GALNT13: variants seen among roughly 807,000 people sequenced by gnomAD.
GALNT13 encodes polypeptide N-acetylgalactosaminyltransferase 13.
Under a neutral mutation model 64.2 loss-of-function variants are expected in GALNT13, and 28 were observed. That is an observed-to-expected ratio of 0.44 (90% CI 0.32 to 0.60). The LOEUF (loss-of-function observed/expected upper bound fraction) is 0.60, where lower values mean the gene tolerates loss of function less well. GALNT13 is among the 20% of genes least tolerant of loss of function. GALNT13 has a pLI of 0.05. For missense variants in GALNT13, 577 were observed against 669.8 expected (o/e 0.86, Z 1.53); for synonymous variants, 214 against 224.6 (o/e 0.95, Z 0.42).
At chr2:154,088,514 C>T (rs1334984716) in intron 3 of GALNT13, among the ~76,000 whole-genome samples, 4 of 152,152 alleles carry the variant, frequency 2.6e-5, no homozygotes, top group Non-Finnish European at 5.9e-5. Flanking sequence ...TGCAATGGCA[C>T]GATCTTGGCT....
the GALNT13 span, among the ~76,000 whole-genome samples, chr2:153,563,564 G>A: frequency 2.6e-5 from 4 of 152,044 alleles, no homozygotes; most frequent in Admixed American, 6.6e-5. Flanking sequence ...TTCACTACTC[G>A]AGAGCTTCCT....
chr2:154,446,618 A>G (rs1002174914), intron 12 of GALNT13: 5 of 1,548,502 alleles, frequency 3.2e-6, no homozygotes, highest in African/African-American at 1.4e-5. Flanking sequence ...CAGTGAACAA[A>G]GTAGCTGATG....
At chr2:153,999,421 T>A (rs1373822116) in intron 3 of GALNT13, among the ~76,000 whole-genome samples, 1 of 152,078 alleles carries the variant, frequency 6.6e-6, no homozygotes, top group Non-Finnish European at 1.5e-5. Flanking sequence ...TATAAACTTT[T>A]CCCTATTCAG....
intron 4 of GALNT13, among the ~76,000 whole-genome samples, chr2:154,241,304 G>C (rs1399414492): frequency 6.6e-6 from 1 of 152,072 alleles, no homozygotes; most frequent in Admixed American, 6.6e-5. Context: ...CCTAGCCAGG[G>C]ACCACGCCCT....
At chr2:153,327,187 CT>C in the GALNT13 span, among the ~76,000 whole-genome samples, 1 of 152,170 alleles carries the variant, frequency 6.6e-6, no homozygotes, top group African/African-American at 2.4e-5. Context: ...GTCTGATGGG[CT>C]TCCCTCTGTG....
chr2:154,438,709 T>C lies in GALNT13; in HGVS notation c.1513T>C (p.Trp505Arg), dbSNP rs1394535221. 1.9e-6 allele frequency: 3 copies of C among 1,609,946 alleles called. No individual in the cohort carries two copies. Among genetic ancestry groups the C allele is most frequent in the Admixed American group, 1.7e-5 (1 of 59,976 alleles). ...KCHHMRGNQL[W>R]EYDAERLTLR... ...CCACCATATGAGAGGAAATCAGTTA[T>C]GGGAATATGATGCTGAGGTATAGTA... is the stretch of plus-strand genomic sequence containing the variant. The change falls in exon 12 of 13, where the codon TGG becomes CGG. Residue 505 changes from tryptophan (W) to arginine (R), a missense_variant. Transcript: ENST00000392825.
At chr2:153,565,494 G>C in the GALNT13 span, among the ~76,000 whole-genome samples, 2 of 152,050 alleles carry the variant, frequency 1.3e-5, no homozygotes, top group Non-Finnish European at 1.5e-5. Flanking sequence ...GTGTATGTTT[G>C]TGTTTATAGT....
At chr2:153,236,075 C>T in the GALNT13 span, among the ~76,000 whole-genome samples, 1 of 152,106 alleles carries the variant, frequency 6.6e-6, no homozygotes, top group Non-Finnish European at 1.5e-5. Flanking sequence ...ATCAAACCAG[C>T]CACAAAATTC....
the GALNT13 span, among the ~76,000 whole-genome samples, chr2:153,496,823 TA>T: frequency 1.3e-5 from 2 of 151,206 alleles, no homozygotes; most frequent in Non-Finnish European, 2.9e-5. Context: ...CCATCGCTAC[TA>T]AAAATACAAA....
At chr2:154,228,103 T>TATGATTCAG (rs1451451844) in intron 4 of GALNT13, among the ~76,000 whole-genome samples, 1 of 152,132 alleles carries the variant, frequency 6.6e-6, no homozygotes, top group Admixed American at 6.6e-5. Context: ...AGATGATTCT[T>TATGATTCAG]ATGATTCAGA....
At chr2:153,676,324 A>G in the GALNT13 span, among the ~76,000 whole-genome samples, 1 of 152,156 alleles carries the variant, frequency 6.6e-6, no homozygotes. Flanking sequence ...GAAGAAATTG[A>G]AACCCTGAGC....
chr2:153,822,094 A>G, the GALNT13 span, among the ~76,000 whole-genome samples: 1 of 152,150 alleles, frequency 6.6e-6, no homozygotes, highest in Admixed American at 6.5e-5. Context: ...TAACAAAATA[A>G]AACAACCAGC....
At chr2:154,309,249 A>C (rs1254031205) in intron 9 of GALNT13, among the ~76,000 whole-genome samples, 5 of 152,136 alleles carry the variant, frequency 3.3e-5, no homozygotes, top group Non-Finnish European at 2.9e-5. Context: ...TCTCGCCCAC[A>C]GTCTTCAAAT....
At chr2:153,214,895 T>C in the GALNT13 span, among the ~76,000 whole-genome samples, 1 of 152,052 alleles carries the variant, frequency 6.6e-6, no homozygotes, top group Non-Finnish European at 1.5e-5. Flanking sequence ...TCTTTGAAAA[T>C]CACCTAAAAA....
chr2:154,143,055 T>C (rs990417214), intron 4 of GALNT13, among the ~76,000 whole-genome samples: 3 of 152,168 alleles, frequency 2.0e-5, no homozygotes, highest in African/African-American at 7.2e-5. Flanking sequence ...TGGGGACCAG[T>C]TTTGTGGAAG....
At chr2:153,673,764 A>T in the GALNT13 span, among the ~76,000 whole-genome samples, 1 of 152,178 alleles carries the variant, frequency 6.6e-6, no homozygotes, top group Non-Finnish European at 1.5e-5. Context: ...AGGAAGTCAA[A>T]TTGTCTCTGT....
intron 9 of GALNT13, among the ~76,000 whole-genome samples, chr2:154,343,564 C>G (rs759452697): frequency 2.6e-5 from 4 of 152,028 alleles, no homozygotes; most frequent in Non-Finnish European, 5.9e-5. Context: ...TTGAAACTTA[C>G]ATCAAGTCAG....
the GALNT13 span, among the ~76,000 whole-genome samples, chr2:153,612,582 A>C: frequency 6.6e-6 from 1 of 152,174 alleles, no homozygotes; most frequent in Non-Finnish European, 1.5e-5. Flanking sequence ...ATATCATATA[A>C]ACACTGTTGA....
chr2:154,140,234 T>C (rs1683182709), intron 3 of GALNT13, 103 bp from the exon 4 acceptor site: 2 of 797,136 alleles, frequency 2.5e-6, no homozygotes, highest in Non-Finnish European at 4.0e-6. Context: ...AAAACCTGTA[T>C]GTAAATAATA....
Sources: allele counts gnomAD v4.1 joint callset (sites outside exome capture counted in the v4.1 genomes callset), GRCh38; gene constraint gnomAD v4.1.1; transcripts MANE v1.5; gene names NCBI Gene and HGNC (gene_info 2026-07-23, HGNC 2026-07-21).